Variants in AHCYL1 observed in about 807,000 individuals in gnomAD.
AHCYL1 encodes S-adenosylhomocysteine hydrolase-like protein 1.
Under a neutral mutation model 79.3 loss-of-function variants are expected in AHCYL1, and 20 were observed. The ratio of observed to expected loss-of-function variants is 0.25; its 90% CI spans 0.18 to 0.37. AHCYL1 has a LOEUF of 0.37. Among genes scored for constraint, AHCYL1 ranks in the 10% least tolerant of loss-of-function variants. AHCYL1 has a pLI of 1.00. For synonymous variants in AHCYL1, 223 were observed against 242.2 expected (o/e 0.92, Z 0.74); for missense variants, 330 against 673.6 (o/e 0.49, Z 5.65).
chr1:109,991,046 A>G (rs1425759308), intron 1 of AHCYL1, among the ~76,000 whole-genome samples: 1 of 152,152 alleles, frequency 6.6e-6, no homozygotes, highest in African/African-American at 2.4e-5. Flanking sequence ...CACTCATAGA[A>G]CTAGAGTGGA....
At chr1:110,018,829 T>C (rs1651601724) in intron 13 of AHCYL1, 179 bp downstream of exon 13, 1 of 731,852 alleles carries the variant, frequency 1.4e-6, no homozygotes, top group Non-Finnish European at 2.2e-6. Flanking sequence ...TACTTTTTAC[T>C]AAGTAACACT....
rs529664230 is a variant in AHCYL1, at chr1:110,021,131, C to T, written c.1586+280C>T. On this transcript the variant is annotated intron_variant, in intron 16 of 16. Coordinates refer to ENST00000369799, the MANE Select transcript of AHCYL1 (RefSeq NM_006621.7). ...TGGCGGGCACCTGTCATCCCAGTTACTCAGGTGGCTGAGGCACGAGAATCA... is the reference window on the plus strand; with the variant it reads ...TGGCGGGCACCTGTCATCCCAGTTATTCAGGTGGCTGAGGCACGAGAATCA... 6.6e-5 allele frequency among the ~76,000 whole-genome samples: 10 copies of T among 152,332 alleles called. No homozygotes were observed. The South Asian group carries it at 1.4e-3, about 22-fold the overall frequency.
rs546839657 is a variant in AHCYL1, at chr1:109,992,157, C to G, written c.120+6985C>G. Among the ~76,000 whole-genome samples the G allele has an allele frequency of 4.6e-5, 7 of 152,168 alleles. No homozygotes were observed. In the South Asian group the frequency reaches 1.5e-3, roughly 32 times the overall value. On this transcript the variant is annotated intron_variant, in intron 1 of 16. Transcript: ENST00000369799. ...GGCCCAGTGGCTCACGCCTGTAATC[C>G]CAGCACTTTGGGAGGCCGAGGCAGG...
At chr1:110,010,519 T>C (rs761463946) in intron 2 of AHCYL1, among the ~76,000 whole-genome samples, 11 of 152,266 alleles carry the variant, frequency 7.2e-5, no homozygotes, top group Admixed American at 2.6e-4. Flanking sequence ...TTTGACAGAC[T>C]TTCCCAGGGC....
chr1:109,990,242 G>A (rs1289411150), intron 1 of AHCYL1, among the ~76,000 whole-genome samples: 1 of 152,302 alleles, frequency 6.6e-6, no homozygotes, highest in South Asian at 2.1e-4. Flanking sequence ...TTCAACAAGT[G>A]ACGTCCTTTT....
chr1:109,987,123 T>C (rs182681541), intron 1 of AHCYL1, among the ~76,000 whole-genome samples: 4 of 152,232 alleles, frequency 2.6e-5, no homozygotes, highest in African/African-American at 9.6e-5. Context: ...AGCATTTACG[T>C]AGTACTTTGT....
At chr1:110,012,049 A>C (rs1472100248) in intron 3 of AHCYL1, among the ~76,000 whole-genome samples, 1 of 152,210 alleles carries the variant, frequency 6.6e-6, no homozygotes, top group Non-Finnish European at 1.5e-5. Context: ...CCAATGCCTT[A>C]ACTATTTTCC....
At chr1:110,020,877 A>G (rs1481413730) in intron 16 of AHCYL1, 26 bp downstream of exon 16, 4 of 1,604,812 alleles carry the variant, frequency 2.5e-6, no homozygotes, top group Admixed American at 3.5e-5. Context: ...GCAAGTGAAA[A>G]GCTCTTTTTC....
At chr1:109,996,830 A>G (rs1382303025) in intron 1 of AHCYL1, among the ~76,000 whole-genome samples, 1 of 152,210 alleles carries the variant, frequency 6.6e-6, no homozygotes, top group Non-Finnish European at 1.5e-5. Context: ...TTCATTACAC[A>G]GCACAGGACC....
chr1:110,005,106 C>G (rs1650561976), intron 1 of AHCYL1, among the ~76,000 whole-genome samples: 1 of 152,002 alleles, frequency 6.6e-6, no homozygotes, highest in Admixed American at 6.6e-5. Context: ...TAGGAATGTC[C>G]CAGAGAATCA....
At chr1:109,992,784 T>G (rs1649834908) in intron 1 of AHCYL1, among the ~76,000 whole-genome samples, 1 of 152,204 alleles carries the variant, frequency 6.6e-6, no homozygotes, top group African/African-American at 2.4e-5. Flanking sequence ...AAAATCCTGG[T>G]TCTTTCCTCA....
intron 1 of AHCYL1, among the ~76,000 whole-genome samples, chr1:109,998,817 TTGAG>T (rs1456911396): frequency 1.3e-5 from 2 of 152,160 alleles, no homozygotes; most frequent in African/African-American, 4.8e-5. Context: ...CGTTCATTAA[TTGAG>T]TATTTGATAT....
At chr1:110,014,620 G>C in intron 5 of AHCYL1, 143 bp from the exon 6 acceptor site, 1 of 575,516 alleles carries the variant, frequency 1.7e-6, no homozygotes, top group South Asian at 2.6e-5. Flanking sequence ...AACCAAAAGT[G>C]ATTCTTTGAC....
chr1:110,000,644 T>A (rs1054769571), intron 1 of AHCYL1, among the ~76,000 whole-genome samples: 15 of 152,252 alleles, frequency 9.9e-5, no homozygotes, highest in African/African-American at 3.1e-4. Context: ...CACTCCAAGG[T>A]AAACTGACCC....
intron 16 of AHCYL1, 34 bp from the exon 17 acceptor site, chr1:110,021,640 A>T (rs373326969): frequency 6.2e-7 from 1 of 1,608,540 alleles, no homozygotes; most frequent in Non-Finnish European, 8.5e-7. Flanking sequence ...TATGGAAGAC[A>T]TAAGTGTTAA....
At chr1:109,998,444 G>T (rs1280436481) in intron 1 of AHCYL1, among the ~76,000 whole-genome samples, 1 of 152,034 alleles carries the variant, frequency 6.6e-6, no homozygotes, top group Non-Finnish European at 1.5e-5. Flanking sequence ...AACACAAGGA[G>T]ACCCTGTCTC....
rs554049900 is a variant in AHCYL1, at chr1:110,023,588, TAAAA to T, written c.*1919_*1922del. 7.1e-6 allele frequency: 1 copy of T among 140,060 alleles called. No individual in the cohort carries two copies. The highest frequency in any genetic ancestry group is 2.6e-5 in the African/African-American group (1 of 38,150). 8.7% of individuals were successfully genotyped at this position (140,060 alleles called of 1,614,324 possible). On this transcript the variant is annotated 3_prime_UTR_variant, in exon 17 of 17. Coordinates refer to ENST00000369799, the MANE Select transcript of AHCYL1 (RefSeq NM_006621.7). ...CAAGCCATGTAACAAAGGACACTGTTAAAAAAAAAAAAAAGTCTGGCATCAGAGG... is the reference window on the plus strand; with the variant it reads ...CAAGCCATGTAACAAAGGACACTGTTAAAAAAAAAAGTCTGGCATCAGAGG...
intron 5 of AHCYL1, 53 bp downstream of exon 5, chr1:110,013,052 A>G (rs1478700987): frequency 2.1e-6 from 3 of 1,416,644 alleles, no homozygotes; most frequent in Non-Finnish European, 2.9e-6. Context: ...ATCCAAACAT[A>G]TAACTTTTTT....
chr1:109,987,702 C>T (rs761162320), intron 1 of AHCYL1, among the ~76,000 whole-genome samples: 4 of 152,170 alleles, frequency 2.6e-5, no homozygotes, highest in African/African-American at 7.2e-5. Flanking sequence ...GATTCTTCAG[C>T]TATAATCATG....
Sources: gnomAD v4.1 joint callset for allele counts (sites outside exome capture counted in the v4.1 genomes callset) on GRCh38, gnomAD v4.1.1 for gene constraint, MANE v1.5 for transcripts, NCBI Gene and HGNC (gene_info 2026-07-23, HGNC 2026-07-21) for gene names.